LRRC37A2: variants seen among roughly 807,000 people sequenced by gnomAD.
LRRC37A2 encodes the protein leucine rich repeat containing 37 member A2.
A neutral mutation model predicts 68.8 loss-of-function variants in LRRC37A2; 9 were observed. The ratio of observed to expected loss-of-function variants is 0.13; its 90% confidence interval spans 0.08 to 0.23. The LOEUF is 0.23. Among genes scored for constraint, LRRC37A2 ranks in the 10% least tolerant of loss-of-function variants. The probability of loss-of-function intolerance (pLI) is 1.00; values close to 1 mark genes in which losing one functional copy is unlikely to be tolerated. For synonymous variants in LRRC37A2, 63 were observed against 367.6 expected (o/e 0.17, Z 9.48); for missense variants, 168 against 950.4 (o/e 0.18, Z 10.82).
the LRRC37A2 span, chr17:46,930,115 CG>C: frequency 6.6e-6 from 1 of 151,742 alleles, no homozygotes; most frequent in Non-Finnish European, 1.4e-5. Flanking sequence ...ACACCACCTG[CG>C]GGGGCTGCCT....
the LRRC37A2 span, among the ~76,000 whole-genome samples, chr17:46,847,967 A>AGTGTGTGTGTGT: frequency 4.3e-3 from 640 of 149,696 alleles, 8 homozygotes; most frequent in African/African-American, 0.013. Flanking sequence ...TGATTTCCAA[A>AGTGTGTGTGTGT]GTGTGTGTGT....
chr17:46,967,769 T>C, the LRRC37A2 span, among the ~76,000 whole-genome samples: 8 of 151,996 alleles, frequency 5.3e-5, no homozygotes, highest in African/African-American at 1.9e-4. Flanking sequence ...AGAAGCAACA[T>C]GGTGCCACCT....
At chr17:46,932,725 G>T in the LRRC37A2 span, 1 of 195,438 alleles carries the variant, frequency 5.1e-6, no homozygotes, top group South Asian at 1.0e-4. Flanking sequence ...GTCTGAAAGT[G>T]TGTTGGTTTG....
At chr17:46,844,401 A>G in the LRRC37A2 span, among the ~76,000 whole-genome samples, 2 of 151,448 alleles carry the variant, frequency 1.3e-5, no homozygotes, top group Non-Finnish European at 2.9e-5. Flanking sequence ...AAAGAAAAAC[A>G]TCTGGCTGGG....
chr17:46,492,383 T>C, the LRRC37A2 span, among the ~76,000 whole-genome samples: 4 of 151,000 alleles, frequency 2.6e-5, 1 homozygote, highest in African/African-American at 7.4e-5. Context: ...GTAGCAGTCC[T>C]TTATATGAGT....
At chr17:46,803,748 T>C in the LRRC37A2 span, among the ~76,000 whole-genome samples, 869 of 152,290 alleles carry the variant, frequency 5.7e-3, 9 homozygotes, top group African/African-American at 0.019. Context: ...TGCAAATGAA[T>C]TTCCCTTGAC....
chr17:46,923,200 C>G, the LRRC37A2 span: 2 of 1,548,328 alleles, frequency 1.3e-6, no homozygotes, highest in East Asian at 2.4e-5. Flanking sequence ...GACATGGATC[C>G]CCTGTTCCAG....
the LRRC37A2 span, chr17:46,726,640 A>G: frequency 6.2e-7 from 1 of 1,600,160 alleles, no homozygotes; most frequent in Non-Finnish European, 8.6e-7. Context: ...CTGCTGTTGT[A>G]TTATCTTTGC....
the LRRC37A2 span, among the ~76,000 whole-genome samples, chr17:46,779,404 G>A: frequency 6.6e-6 from 1 of 152,054 alleles, no homozygotes; most frequent in Non-Finnish European, 1.5e-5. Flanking sequence ...CTGGGCCAGG[G>A]GCTATTTATA....
the LRRC37A2 span, among the ~76,000 whole-genome samples, chr17:46,787,417 G>T: frequency 6.6e-6 from 1 of 152,136 alleles, no homozygotes; most frequent in African/African-American, 2.4e-5. Context: ...AAAGCTAAGC[G>T]GGACCTTTGA....
chr17:46,758,706 A>C, the LRRC37A2 span, among the ~76,000 whole-genome samples: 1 of 152,216 alleles, frequency 6.6e-6, no homozygotes, highest in East Asian at 1.9e-4. Context: ...ATATCCTAAA[A>C]ATTGCAGCCT....
chr17:47,003,475 C>G, the LRRC37A2 span, among the ~76,000 whole-genome samples: 10 of 152,244 alleles, frequency 6.6e-5, no homozygotes, highest in Non-Finnish European at 1.5e-4. Context: ...CTCTGAAGCC[C>G]AGTGGCTGGC....
chr17:46,774,501 A>G, the LRRC37A2 span, among the ~76,000 whole-genome samples: 1 of 152,244 alleles, frequency 6.6e-6, no homozygotes, highest in East Asian at 1.9e-4. Context: ...CTCCATGACC[A>G]TCTTTCCAGT....
At chr17:46,842,662 C>T in the LRRC37A2 span, among the ~76,000 whole-genome samples, 1 of 152,174 alleles carries the variant, frequency 6.6e-6, no homozygotes, top group Admixed American at 6.5e-5. Flanking sequence ...CATGAGCCAC[C>T]GTACCCTGCT....
chr17:46,797,453 C>T, the LRRC37A2 span, among the ~76,000 whole-genome samples: 247 of 152,266 alleles, frequency 1.6e-3, no homozygotes, highest in Non-Finnish European at 3.0e-3. Flanking sequence ...GAGAGAAAGA[C>T]GGTGAAGGCC....
the LRRC37A2 span, among the ~76,000 whole-genome samples, chr17:47,000,091 T>TAAAATAAAATAAAATAAAATAAAATAA: frequency 1.6e-5 from 1 of 62,612 alleles, no homozygotes; most frequent in African/African-American, 5.2e-5. Flanking sequence ...TAAAATAAAA[T>TAAAATAAAATAAAATAAAATAAAATAA]AAAATAAAAT....
the LRRC37A2 span, among the ~76,000 whole-genome samples, chr17:46,868,595 A>AAAAACAAAAC: frequency 7.0e-3 from 1,061 of 152,110 alleles, 12 homozygotes; most frequent in African/African-American, 0.024. Context: ...GACTCGATTA[A>AAAAACAAAAC]AAAACAAAAC....
the LRRC37A2 span, among the ~76,000 whole-genome samples, chr17:46,724,979 T>G: frequency 1.3e-5 from 2 of 152,196 alleles, no homozygotes; most frequent in Admixed American, 1.3e-4. Context: ...ATGTGTAAAT[T>G]TATTCTTTTA....
chr17:46,806,068 G>A, the LRRC37A2 span, among the ~76,000 whole-genome samples: 1 of 152,152 alleles, frequency 6.6e-6, no homozygotes, highest in African/African-American at 2.4e-5. Context: ...TTTCCTCAAT[G>A]TATGTGATAC....
Sources: gnomAD v4.1 joint callset for allele counts (sites outside exome capture counted in the v4.1 genomes callset) on GRCh38, gnomAD v4.1.1 for gene constraint, MANE v1.5 for transcripts, NCBI Gene and HGNC (gene_info 2026-07-23, HGNC 2026-07-21) for gene names.